Variants in MTRR observed in about 807,000 individuals in gnomAD.
The protein encoded by MTRR is 5-methyltetrahydrofolate-homocysteine methyltransferase reductase.
In MTRR, 63 loss-of-function variants were observed where a neutral mutation model predicts 79.2. The ratio of observed to expected loss-of-function variants is 0.80; its 90% CI spans 0.65 to 0.98. The LOEUF is 0.98. Among genes scored for constraint, MTRR ranks in the 50% least tolerant of loss-of-function variants. The pLI is 0.00. For synonymous variants in MTRR, 355 were observed against 313.3 expected (o/e 1.13, Z -1.41); for missense variants, 895 against 839.6 (o/e 1.07, Z -0.82).
intron 13 of MTRR, 38 bp from the exon 14 acceptor site, chr5:7,897,027 G>T: frequency 6.2e-7 from 1 of 1,612,962 alleles, no homozygotes; most frequent in South Asian, 1.1e-5. Context: ...TTTTCAGCTT[G>T]ACAACCTTTT....
At chr5:7,877,836 C>T in intron 4 of MTRR, 108 bp from the exon 5 acceptor site, 1 of 1,463,814 alleles carries the variant, frequency 6.8e-7, no homozygotes, top group Non-Finnish European at 9.4e-7. Flanking sequence ...CATAGTGTTT[C>T]TAACAAGTGC....
intron 2 of MTRR, chr5:7,872,382 G>T: frequency 1.2e-5 from 4 of 340,588 alleles, no homozygotes; most frequent in South Asian, 9.5e-5. Context: ...ATTTGTAAGA[G>T]TTTATAGCTC....
rs754619256 is a variant in MTRR, at chr5:7,886,598, C to T, written c.1058-17C>T. 216 of 1,579,334 alleles carry T rather than the reference C, an allele frequency of 1.4e-4. No homozygotes were observed. The highest frequency in any genetic ancestry group is 1.7e-4 in the Non-Finnish European group (192 of 1,148,584). On this transcript the variant is annotated splice_polypyrimidine_tract_variant and intron_variant, in intron 7 of 14. Coordinates refer to ENST00000440940, the MANE Select transcript of MTRR (RefSeq NM_002454.3). ...TCTTCTATGTCATGAACCCCTTTCC[C>T]GTCTTTACCTGAAAAGGAGCTACCT...
intron 9 of MTRR, 29 bp downstream of exon 9, chr5:7,889,304 G>C (rs746907713): frequency 1.2e-6 from 2 of 1,611,830 alleles, no homozygotes; most frequent in African/African-American, 2.7e-5. Flanking sequence ...AAGCACCTTG[G>C]TGGCTGTTCG....
At chr5:7,894,676 C>T (rs1579806929) in intron 11 of MTRR, among the ~76,000 whole-genome samples, 1 of 152,180 alleles carries the variant, frequency 6.6e-6, no homozygotes, top group Non-Finnish European at 1.5e-5. Context: ...AGCTCACTGC[C>T]ACACCCATCA....
rs772547714 is a variant in MTRR, at chr5:7,886,680, G to T, written c.1123G>T (p.Glu375Ter). 5 of 1,613,326 alleles carry T rather than the reference G, an allele frequency of 3.1e-6. No individual in the cohort carries two copies. Among genetic ancestry groups the T allele is most frequent in the Non-Finnish European group, 4.2e-6 (5 of 1,179,446 alleles). The change falls in exon 8 of 15, where the codon GAA becomes TAA. Residue 375 changes from glutamate (E) to a stop codon, truncating the protein, a stop_gained. Transcript: ENST00000440940. LOFTEE classifies it high-confidence loss of function. ...SLQFIFTWCL[E>*]IRAIPKKAFL... ...CCAGTTCATTTTTACCTGGTGTCTT[G>T]AAATCCGAGCAATTCCTAAAAAGGT...
intron 2 of MTRR, among the ~76,000 whole-genome samples, chr5:7,862,250 G>A (rs1019105630): frequency 2.6e-5 from 4 of 152,114 alleles, no homozygotes; most frequent in African/African-American, 7.2e-5. Flanking sequence ...CTGTAAGGAC[G>A]GAGGACTTGG....
At chr5:7,889,385 A>T (rs578021899) in intron 9 of MTRR, 110 bp downstream of exon 9, 2 of 1,127,072 alleles carry the variant, frequency 1.8e-6, no homozygotes, top group Admixed American at 3.8e-5. Context: ...TTTGTATCCT[A>T]TGCCTAAAGA....
At position 7,870,836 on chromosome 5, in the gene MTRR, G is replaced by A. The variant is rs2126644331; in HGVS notation, c.42G>A (p.Gln14=). The change falls in exon 2 of 15, where the codon CAG becomes CAA. Residue 14 remains glutamine (Q), a synonymous_variant. Coordinates refer to ENST00000440940, the MANE Select transcript of MTRR (RefSeq NM_002454.3). ...TACTATATGCTACACAGCAGGGACAGGCAAAGGCCATCGCAGAAGAAATAT... is the reference window on the plus strand; with the variant it reads ...TACTATATGCTACACAGCAGGGACAAGCAAAGGCCATCGCAGAAGAAATAT... The part of the protein sequence containing the change: ...FLLLYATQQG[Q]AKAIAEEICE... 6.2e-7 allele frequency: 1 copy of A among 1,614,220 alleles called. No homozygotes were observed. Among genetic ancestry groups the A allele is most frequent in the Admixed American group, 1.7e-5 (1 of 60,022 alleles).
Position 7,895,781 on chromosome 5 carries a change from C to T in MTRR, c.1605C>T (p.Asp535=). 1.2e-6 allele frequency: 2 copies of T among 1,614,064 alleles called. No individual in the cohort carries two copies. Among genetic ancestry groups the T allele is most frequent in the South Asian group, 1.1e-5 (1 of 91,082 alleles). ...CAAATTCTTTCCACTTACCAGATGA[C>T]CCCTCAATCCCCATCATAATGGTGG... The part of the protein sequence containing the change: ...RTTNSFHLPD[D]PSIPIIMVGP... Residue 535 remains aspartate (D), a synonymous_variant, in exon 12 of 15, where the codon GAC becomes GAT. Transcript: ENST00000440940.
At chr5:7,866,534 A>G (rs1344123327), upstream of MTRR, 1 of 785,282 alleles carries the variant, frequency 1.3e-6, no homozygotes, top group Non-Finnish European at 2.1e-6. Flanking sequence ...TCATCTTCGG[A>G]TCACTATGGA....
Position 7,897,194 on chromosome 5 carries a change from C to T in MTRR, c.1899C>T (p.Gly633=). 1 of 1,614,104 alleles carries T rather than the reference C, an allele frequency of 6.2e-7. No individual in the cohort carries two copies. The highest frequency in any genetic ancestry group is 1.7e-4 in the Middle Eastern group (1 of 6,060). ...KYVQDNIQLH[G]QQVARILLQE... is the part of the protein sequence containing the mutation. ...TGCAAGACAACATCCAGCTTCATGGCCAGCAGGTGGCGAGAATCCTCCTCC... is the reference window on the plus strand; with the variant it reads ...TGCAAGACAACATCCAGCTTCATGGTCAGCAGGTGGCGAGAATCCTCCTCC... Residue 633 remains glycine, a synonymous_variant, in exon 14 of 15, where the codon GGC becomes GGT. Transcript: ENST00000440940.
chr5:7,893,646 C>CT (rs1738025776), intron 11 of MTRR: 2 of 152,196 alleles, frequency 1.3e-5, no homozygotes, highest in South Asian at 4.1e-4. Flanking sequence ...ACATTTCAGG[C>CT]TTTATCATGA....
intron 13 of MTRR, 47 bp downstream of exon 13, chr5:7,897,003 C>G: frequency 1.2e-6 from 2 of 1,612,046 alleles, no homozygotes; most frequent in Non-Finnish European, 1.7e-6. Flanking sequence ...GTGTACAATT[C>G]TAATTCTCAG....
chr5:7,872,912 C>G (rs1156468593), intron 2 of MTRR, among the ~76,000 whole-genome samples: 1 of 152,138 alleles, frequency 6.6e-6, no homozygotes, highest in Non-Finnish European at 1.5e-5. Flanking sequence ...ATCACAGTGC[C>G]TAGGTGCCTC....
At chr5:7,891,246 TTAAAAC>T in intron 9 of MTRR, 120 bp from the exon 10 acceptor site, 1 of 667,202 alleles carries the variant, frequency 1.5e-6, no homozygotes, top group South Asian at 2.1e-5. Flanking sequence ...TAACTATGAT[TTAAAAC>T]TAGAACATGA....
At chr5:7,857,535 C>T (rs1472433294) in intron 1 of MTRR, among the ~76,000 whole-genome samples, 1 of 152,190 alleles carries the variant, frequency 6.6e-6, no homozygotes, top group Non-Finnish European at 1.5e-5. Flanking sequence ...TTGACAATTG[C>T]GCCCCTAGAC....
At chr5:7,897,620 G>C (rs1738757807) in intron 14 of MTRR, among the ~76,000 whole-genome samples, 1 of 152,154 alleles carries the variant, frequency 6.6e-6, no homozygotes, top group African/African-American at 2.4e-5. Flanking sequence ...TGATAAGTAA[G>C]AAAGAAAAAG....
chr5:7,867,791 T>C (rs1433894619), upstream of MTRR: 3 of 1,614,232 alleles, frequency 1.9e-6, no homozygotes, highest in Admixed American at 5.0e-5. Flanking sequence ...CATCTGACTC[T>C]CCTCATTTTT....
Sources: gnomAD v4.1 joint callset for allele counts (sites outside exome capture counted in the v4.1 genomes callset) on GRCh38, gnomAD v4.1.1 for gene constraint, MANE v1.5 for transcripts, NCBI Gene and HGNC (gene_info 2026-07-23, HGNC 2026-07-21) for gene names.